HSF2BP: variants seen among roughly 807,000 people sequenced by gnomAD.
The protein encoded by HSF2BP is heat shock transcription factor 2 binding protein.
HSF2BP carries 35 observed loss-of-function variants against 35.0 expected under a neutral mutation model. The observed-to-expected ratio is 1.00, with a 90% CI of 0.76 to 1.32. The LOEUF is 1.32. Among genes scored for constraint, HSF2BP ranks in the 40% most tolerant of loss-of-function variants. The pLI, the probability that HSF2BP is intolerant of heterozygous loss-of-function variation, is 0.00. For synonymous variants in HSF2BP, 114 were observed against 117.4 expected (o/e 0.97, Z 0.18); for missense variants, 326 against 321.7 (o/e 1.01, Z -0.10).
At chr21:43,589,312 G>C (rs1601628516) in intron 8 of HSF2BP, among the ~76,000 whole-genome samples, 1 of 152,152 alleles carries the variant, frequency 6.6e-6, no homozygotes, top group Non-Finnish European at 1.5e-5. Context: ...CAGTTCCTCT[G>C]CTCTTAACAC....
chr21:43,579,564 T>C (rs1288822343), intron 8 of HSF2BP, among the ~76,000 whole-genome samples: 1 of 152,162 alleles, frequency 6.6e-6, no homozygotes, highest in East Asian at 1.9e-4. Flanking sequence ...TAGAATCTGA[T>C]TACCCTTAAT....
intron 7 of HSF2BP, among the ~76,000 whole-genome samples, chr21:43,594,862 G>C (rs1057366240): frequency 9.2e-5 from 14 of 152,172 alleles, no homozygotes; most frequent in African/African-American, 3.4e-4. Flanking sequence ...AAATGTTAAT[G>C]AACAGGATAC....
At chr21:43,630,678 G>T (rs747641120) in intron 5 of HSF2BP, among the ~76,000 whole-genome samples, 29 of 152,270 alleles carry the variant, frequency 1.9e-4, no homozygotes, top group Non-Finnish European at 3.4e-4. Context: ...GCATAAATAT[G>T]ATATAGGACA....
At chr21:43,626,084 A>G (rs1341660640) in intron 6 of HSF2BP, among the ~76,000 whole-genome samples, 1 of 152,198 alleles carries the variant, frequency 6.6e-6, no homozygotes, top group African/African-American at 2.4e-5. Context: ...CAAGCCTGCT[A>G]CAACTGTAGG....
intron 8 of HSF2BP, among the ~76,000 whole-genome samples, chr21:43,589,235 A>G (rs2146769318): frequency 6.6e-6 from 1 of 152,292 alleles, no homozygotes; most frequent in South Asian, 2.1e-4. Context: ...AGGAGACAGT[A>G]TCTCTGTCCT....
At chr21:43,621,215 C>T (rs1195163213) in intron 6 of HSF2BP, among the ~76,000 whole-genome samples, 1 of 152,178 alleles carries the variant, frequency 6.6e-6, no homozygotes, top group East Asian at 1.9e-4. Context: ...CATCTGGTGA[C>T]AGACTTCTCA....
chr21:43,588,449 G>A (rs2081885407), intron 8 of HSF2BP, among the ~76,000 whole-genome samples: 1 of 151,990 alleles, frequency 6.6e-6, no homozygotes, highest in Admixed American at 6.6e-5. Flanking sequence ...GTCCTGCTGA[G>A]CAGCAGTCCT....
At chr21:43,654,792 G>A (rs1231391232) in intron 3 of HSF2BP, among the ~76,000 whole-genome samples, 1 of 152,250 alleles carries the variant, frequency 6.6e-6, no homozygotes, top group Non-Finnish European at 1.5e-5. Context: ...GGTAACTGAA[G>A]CTGTGAGTGT....
intron 3 of HSF2BP, among the ~76,000 whole-genome samples, chr21:43,648,100 G>A (rs1348764125): frequency 6.6e-6 from 1 of 151,972 alleles, no homozygotes; most frequent in South Asian, 2.1e-4. Flanking sequence ...CACCTCTTCC[G>A]CCTCCATCTT....
intron 7 of HSF2BP, among the ~76,000 whole-genome samples, chr21:43,612,645 C>A (rs1431869341): frequency 5.5e-4 from 53 of 97,032 alleles, no homozygotes; most frequent in Middle Eastern, 6.3e-3. Flanking sequence ...AGCAAGACTC[C>A]GTCTCAAAAA....
chr21:43,606,848 G>C (rs1055407714), intron 7 of HSF2BP, among the ~76,000 whole-genome samples: 1 of 152,152 alleles, frequency 6.6e-6, no homozygotes, highest in Admixed American at 6.5e-5. Flanking sequence ...AAAAAAATTC[G>C]CATGAGATTG....
intron 7 of HSF2BP, among the ~76,000 whole-genome samples, chr21:43,599,260 T>C (rs1410068324): frequency 1.3e-5 from 2 of 152,158 alleles, no homozygotes; most frequent in South Asian, 2.1e-4. Flanking sequence ...ACAACAACCA[T>C]GTTGCCACCT....
intron 7 of HSF2BP, among the ~76,000 whole-genome samples, chr21:43,598,232 G>A (rs1006758561): frequency 4.6e-5 from 7 of 151,480 alleles, no homozygotes; most frequent in East Asian, 1.9e-4. Flanking sequence ...TCGCTCTGTC[G>A]CTGAGAGAGA....
At chr21:43,655,785 C>T (rs1411928384) in intron 3 of HSF2BP, among the ~76,000 whole-genome samples, 1 of 152,172 alleles carries the variant, frequency 6.6e-6, no homozygotes, top group Non-Finnish European at 1.5e-5. Flanking sequence ...GGACAAGGTA[C>T]GGTGGATGAG....
chr21:43,649,857 A>G (rs997385236), intron 3 of HSF2BP, among the ~76,000 whole-genome samples: 18 of 152,240 alleles, frequency 1.2e-4, no homozygotes, highest in African/African-American at 4.1e-4. Context: ...TAGCGATTTA[A>G]TTGTAAAACA....
In HSF2BP at chr21:43,614,038, C is replaced by A. The variant is rs1451747441; in HGVS notation, c.575-91G>T. ...GAACAGAGTATTTTCTCCTAAAAGA[C>A]CTAATGAAAACACAGCTGAAAATGA... On this transcript the variant is annotated intron_variant, in intron 6 of 8. Coordinates refer to ENST00000291560, the MANE Select transcript of HSF2BP (RefSeq NM_007031.2). 9.9e-6 allele frequency: 9 copies of A among 904,764 alleles called. No individual in the cohort carries two copies. In the Admixed American group the frequency reaches 1.9e-4, roughly 19 times the overall value. The allele number at this position is 904,764 out of a possible 1,614,324, so 56.0% of individuals were successfully genotyped here. A position where few individuals can be genotyped will look rare whatever the true frequency, so the allele number is the denominator to read the frequency against.
At chr21:43,608,800 CA>C (rs898789575) in intron 7 of HSF2BP, among the ~76,000 whole-genome samples, 95 of 142,986 alleles carry the variant, frequency 6.6e-4, no homozygotes, top group Middle Eastern at 7.1e-3. Context: ...CTATCGCTAC[CA>C]AAAAAAAAAA....
chr21:43,639,706 A>C (rs1442047410), intron 4 of HSF2BP, among the ~76,000 whole-genome samples: 3 of 152,140 alleles, frequency 2.0e-5, no homozygotes, highest in African/African-American at 7.2e-5. Flanking sequence ...TGGTACAGAC[A>C]CTCTGGAAAA....
chr21:43,626,546 G>C lies in HSF2BP; in HGVS notation c.574+3776C>G, dbSNP rs1283793273. 2.0e-5 allele frequency among the ~76,000 whole-genome samples: 3 copies of C among 152,170 alleles called. No individual in the cohort carries two copies. In the East Asian group the frequency reaches 5.8e-4, roughly 29 times the overall value. ...CTCAGATAACCCTCCTTGGAATGTA[G>C]CAATCTATAAACAGTCAAATCACTG... On this transcript the variant is annotated intron_variant, in intron 6 of 8. Transcript: ENST00000291560.
Sources: allele counts gnomAD v4.1 joint callset (sites outside exome capture counted in the v4.1 genomes callset), GRCh38; gene constraint gnomAD v4.1.1; transcripts MANE v1.5; gene names NCBI Gene and HGNC (gene_info 2026-07-23, HGNC 2026-07-21).